The following GRIK2 variants were observed in gnomAD, a reference collection of about 807,000 sequenced individuals.
GRIK2 encodes glutamate receptor ionotropic, kainate 2.
Under a neutral mutation model 100.3 loss-of-function variants are expected in GRIK2, and 32 were observed. The ratio of observed to expected loss-of-function variants is 0.32; its 90% confidence interval spans 0.24 to 0.43. GRIK2 has a LOEUF of 0.43. Among genes scored for constraint, GRIK2 ranks in the 20% least tolerant of loss-of-function variants. The probability of loss-of-function intolerance (pLI) is 1.00; values close to 1 mark genes in which losing one functional copy is unlikely to be tolerated. For synonymous variants in GRIK2, 417 were observed against 389.4 expected (o/e 1.07, Z -0.83); for missense variants, 843 against 1,114.9 (o/e 0.76, Z 3.47).
rs56887492 is a variant in GRIK2 at position 101,581,167 on chromosome 6, C to CATAT, written c.116-40770_116-40767dup. On this transcript the variant is annotated intron_variant, in intron 2 of 16. Transcript: ENST00000369134. ...ACAGAATTAATAGGAGATATATATA[C>CATAT]ATATATATATATATACACACACACA... Among the ~76,000 whole-genome samples, 388 of 148,644 alleles carry CATAT rather than the reference C, an allele frequency of 2.6e-3. 3 individuals are homozygous for CATAT. Among genetic ancestry groups the CATAT allele is most frequent in the South Asian group, 0.014 (68 of 4,730 alleles).
At chr6:101,431,250 G>T (rs577882053) in intron 2 of GRIK2, 4 of 163,698 alleles carry the variant, frequency 2.4e-5, no homozygotes, top group Non-Finnish European at 5.5e-5. Context: ...GTGCTTGAAG[G>T]AGTACTTCAA....
chr6:101,543,616 T>G (rs1265869367), intron 2 of GRIK2, among the ~76,000 whole-genome samples: 3 of 152,212 alleles, frequency 2.0e-5, no homozygotes, highest in Non-Finnish European at 4.4e-5. Context: ...AGGCCTGGCC[T>G]CCCGAGCCTG....
At chr6:101,460,424 T>C (rs926402678) in intron 2 of GRIK2, among the ~76,000 whole-genome samples, 2 of 152,214 alleles carry the variant, frequency 1.3e-5, no homozygotes, top group Non-Finnish European at 1.5e-5. Flanking sequence ...TCTTCTTAAA[T>C]AGATGAGTAG....
intron 10 of GRIK2, among the ~76,000 whole-genome samples, chr6:101,841,306 T>C (rs1321198731): frequency 3.3e-5 from 5 of 152,254 alleles, no homozygotes; most frequent in African/African-American, 1.2e-4. Context: ...CAGCAAAGTT[T>C]GTTAGGTTTT....
intron 12 of GRIK2, among the ~76,000 whole-genome samples, chr6:101,904,683 A>G (rs1037200659): frequency 2.6e-5 from 4 of 151,542 alleles, no homozygotes; most frequent in Admixed American, 2.6e-4. Context: ...CCTTTTTAAT[A>G]CTGTCAAATC....
intron 7 of GRIK2, among the ~76,000 whole-genome samples, chr6:101,686,560 C>T (rs1311402956): frequency 1.3e-5 from 2 of 152,086 alleles, no homozygotes; most frequent in African/African-American, 4.8e-5. Flanking sequence ...ATCCAAGTAT[C>T]TCAAAAGGCA....
chr6:101,588,159 A>T (rs1582777252), intron 2 of GRIK2, among the ~76,000 whole-genome samples: 1 of 152,242 alleles, frequency 6.6e-6, no homozygotes, highest in Admixed American at 6.5e-5. Flanking sequence ...AAATGTAAAG[A>T]TCATCAGAAT....
chr6:101,928,752 A>C, intron 14 of GRIK2, 120 bp downstream of exon 14: 1 of 640,954 alleles, frequency 1.6e-6, no homozygotes, highest in Non-Finnish European at 2.8e-6. Flanking sequence ...TAATAATAGC[A>C]TATACCTCAA....
intron 4 of GRIK2, among the ~76,000 whole-genome samples, chr6:101,630,084 A>G (rs1359103418): frequency 6.6e-6 from 1 of 152,136 alleles, no homozygotes; most frequent in Non-Finnish European, 1.5e-5. Context: ...CATGGTGTAT[A>G]TGTACCACAT....
chr6:101,869,187 A>C (rs1432654939), intron 11 of GRIK2, among the ~76,000 whole-genome samples: 2 of 152,052 alleles, frequency 1.3e-5, no homozygotes, highest in African/African-American at 4.8e-5. Flanking sequence ...GTACTTGGTC[A>C]GGTTTATTTA....
chr6:101,648,952 A>T (rs1457741153), intron 4 of GRIK2, among the ~76,000 whole-genome samples: 1 of 152,106 alleles, frequency 6.6e-6, no homozygotes, highest in Admixed American at 6.6e-5. Context: ...TCCTATTTAT[A>T]AAACCATCTG....
intron 2 of GRIK2, among the ~76,000 whole-genome samples, chr6:101,485,915 C>CTTT (rs67073947): frequency 2.8e-5 from 4 of 141,020 alleles, no homozygotes; most frequent in Admixed American, 7.1e-5. Context: ...CACCATTGCG[C>CTTT]TTTTTTTTTT....
At chr6:101,432,700 GA>G (rs1769475742) in intron 2 of GRIK2, among the ~76,000 whole-genome samples, 1 of 152,054 alleles carries the variant, frequency 6.6e-6, no homozygotes, top group Non-Finnish European at 1.5e-5. Context: ...AGGGTATGAT[GA>G]ATTTGTTATG....
At chr6:101,767,841 A>G (rs1281230148) in intron 7 of GRIK2, among the ~76,000 whole-genome samples, 2 of 151,754 alleles carry the variant, frequency 1.3e-5, no homozygotes, top group Non-Finnish European at 2.9e-5. Flanking sequence ...ATATAGGTCT[A>G]GATAATTATT....
intron 12 of GRIK2, among the ~76,000 whole-genome samples, chr6:101,916,682 T>A (rs1216546404): frequency 2.0e-5 from 3 of 151,624 alleles, no homozygotes; most frequent in Non-Finnish European, 4.4e-5. Context: ...GATACCTGAT[T>A]TATACAAAAC....
intron 14 of GRIK2, among the ~76,000 whole-genome samples, chr6:101,960,048 G>GTTTTTTTTTTTTTTTTTTTTTTTT (rs3029100): frequency 2.5e-5 from 3 of 118,266 alleles, no homozygotes; most frequent in African/African-American, 3.6e-5. Context: ...TTTTTTTAGT[G>GTTTTTTTTTTTTTTTTTTTTTTTT]TTTTGTTTTT....
chr6:101,785,360 G>A (rs1247638614), intron 7 of GRIK2, among the ~76,000 whole-genome samples: 2 of 152,034 alleles, frequency 1.3e-5, no homozygotes, highest in Non-Finnish European at 2.9e-5. Flanking sequence ...AATTGCCTAT[G>A]CTTTTGGGTC....
At chr6:101,841,980 T>C (rs748390960) in intron 10 of GRIK2, among the ~76,000 whole-genome samples, 6 of 152,114 alleles carry the variant, frequency 3.9e-5, no homozygotes, top group Non-Finnish European at 7.4e-5. Flanking sequence ...CACTTAGTAG[T>C]TGATTTACTT....
chr6:101,621,820 C>G, intron 2 of GRIK2, 129 bp from the exon 3 acceptor site: 1 of 669,776 alleles, frequency 1.5e-6, no homozygotes, highest in South Asian at 1.7e-5. Flanking sequence ...CTTTCTCTCT[C>G]TCACACACAC....
Sources: allele counts gnomAD v4.1 joint callset (sites outside exome capture counted in the v4.1 genomes callset), GRCh38; gene constraint gnomAD v4.1.1; transcripts MANE v1.5; gene names NCBI Gene and HGNC (gene_info 2026-07-23, HGNC 2026-07-21).